TCF4: variants seen among roughly 807,000 people sequenced by gnomAD.
The protein encoded by TCF4 is transcription factor 4.
TCF4 carries 3 observed loss-of-function variants against 82.1 expected under a neutral mutation model. That is an observed-to-expected ratio of 0.04 (90% CI 0.02 to 0.09). The LOEUF is 0.09. TCF4 is among the 10% of genes least tolerant of loss of function. The probability of loss-of-function intolerance (pLI) is 1.00; values close to 1 mark genes in which losing one functional copy is unlikely to be tolerated. For missense variants in TCF4, 518 were observed against 852.7 expected (o/e 0.61, Z 4.89); for synonymous variants, 276 against 309.6 (o/e 0.89, Z 1.14).
At chr18:55,443,148 C>T (rs961267543) in intron 5 of TCF4, among the ~76,000 whole-genome samples, 2 of 152,194 alleles carry the variant, frequency 1.3e-5, no homozygotes, top group South Asian at 4.1e-4. Flanking sequence ...TATGGGGTCC[C>T]ATTGCTTGGT....
intron 8 of TCF4, among the ~76,000 whole-genome samples, chr18:55,341,508 G>C (rs952680046): frequency 6.6e-6 from 1 of 152,158 alleles, no homozygotes; most frequent in Non-Finnish European, 1.5e-5. Flanking sequence ...CTGCTTTGTA[G>C]ACAGAGAAGC....
intron 10 of TCF4, among the ~76,000 whole-genome samples, chr18:55,273,069 C>T (rs1001852262): frequency 1.3e-5 from 2 of 152,068 alleles, no homozygotes; most frequent in Non-Finnish European, 1.5e-5. Context: ...CCATTCCAAA[C>T]TTTAACCGCA....
chr18:55,404,553 A>C (rs2093992038), intron 5 of TCF4: 1 of 152,222 alleles, frequency 6.6e-6, no homozygotes, highest in Non-Finnish European at 1.5e-5. Flanking sequence ...TTTTTCCAAC[A>C]GGAAAACTCT....
intron 3 of TCF4, chr18:55,495,834 A>T (rs1568226015): frequency 6.6e-6 from 1 of 152,220 alleles, no homozygotes. Context: ...CTCTTTAATT[A>T]TGAAAAGGAA....
chr18:55,480,296 A>AAAGAGGGG (rs1568175293), intron 3 of TCF4, among the ~76,000 whole-genome samples: 1 of 63,356 alleles, frequency 1.6e-5, no homozygotes, highest in Non-Finnish European at 3.0e-5. Flanking sequence ...AAAAAAAAAA[A>AAAGAGGGG]GCGGGGGGGC....
chr18:55,223,805 A>G lies in TCF4; in HGVS notation c.*4230T>C. 6.6e-6 allele frequency: 1 copy of G among 152,382 alleles called. No individual in the cohort carries two copies. Among genetic ancestry groups the G allele is most frequent in the East Asian group, 2.0e-4 (1 of 5,068 alleles). 9.4% of individuals were successfully genotyped at this position (152,382 alleles called of 1,614,324 possible). ...CCGCTGCGACCTACAACTAAAAACA[A>G]AAACAAAAACAAAAACAAAACAAAA... On this transcript the variant is annotated 3_prime_UTR_variant, in exon 20 of 20. Transcript: ENST00000354452.
intron 8 of TCF4, among the ~76,000 whole-genome samples, chr18:55,340,266 T>A (rs576212466): frequency 6.6e-6 from 1 of 152,172 alleles, no homozygotes; most frequent in Admixed American, 6.5e-5. Flanking sequence ...TCACAGCCGA[T>A]GTACCAGTTC....
chr18:55,385,921 A>C (rs2092560767), intron 6 of TCF4, among the ~76,000 whole-genome samples: 1 of 152,200 alleles, frequency 6.6e-6, no homozygotes, highest in Non-Finnish European at 1.5e-5. Context: ...CAGAATGTCC[A>C]CACGGCCACT....
chr18:55,559,305 A>T (rs1420296139), intron 3 of TCF4, among the ~76,000 whole-genome samples: 1 of 152,116 alleles, frequency 6.6e-6, no homozygotes, highest in African/African-American at 2.4e-5. Flanking sequence ...AATGGAGCAG[A>T]ACAGAACTGT....
intron 5 of TCF4, chr18:55,404,480 C>G (rs532328278): frequency 2.0e-5 from 3 of 152,180 alleles, no homozygotes; most frequent in Non-Finnish European, 4.4e-5. Flanking sequence ...CTAAAGGATA[C>G]TTCTTTCGTC....
At chr18:55,487,643 T>G (rs1343054164) in intron 3 of TCF4, among the ~76,000 whole-genome samples, 2 of 152,220 alleles carry the variant, frequency 1.3e-5, no homozygotes, top group Non-Finnish European at 2.9e-5. Context: ...AAAGTATTTT[T>G]TCCCAGCAAG....
intron 8 of TCF4, among the ~76,000 whole-genome samples, chr18:55,347,447 G>C (rs541627625): frequency 6.6e-6 from 1 of 152,240 alleles, no homozygotes; most frequent in African/African-American, 2.4e-5. Flanking sequence ...TGGGTCTTCT[G>C]TTATCCCACC....
chr18:55,576,242 T>C (rs1444366457), intron 3 of TCF4, among the ~76,000 whole-genome samples: 1 of 152,146 alleles, frequency 6.6e-6, no homozygotes, highest in Non-Finnish European at 1.5e-5. Context: ...TGAACAATTT[T>C]CTCCAAAGCA....
intron 3 of TCF4, among the ~76,000 whole-genome samples, chr18:55,464,646 T>G (rs2095967020): frequency 2.0e-5 from 3 of 152,146 alleles, no homozygotes; most frequent in Admixed American, 2.0e-4. Flanking sequence ...GTAGTCTATT[T>G]CCACCAGCAC....
At chr18:55,241,897 A>G (rs1033588855) in intron 15 of TCF4, among the ~76,000 whole-genome samples, 1 of 152,228 alleles carries the variant, frequency 6.6e-6, no homozygotes, top group Non-Finnish European at 1.5e-5. Flanking sequence ...ATCCAGTCTA[A>G]GAGGTCCACC....
Position 55,383,320 on chromosome 18 carries a change from G to C in TCF4, c.369+20134C>G, listed in dbSNP as rs370001731. ...GAGAACAATGCAAAGCAAAGAAAGA[G>C]TAAAAGCAATTTATCCAATACCCAC... On this transcript the variant is annotated intron_variant, in intron 6 of 19. Transcript: ENST00000354452. Among the ~76,000 whole-genome samples, 13 of 152,306 alleles carry C rather than the reference G, an allele frequency of 8.5e-5. No individual in the cohort carries two copies. In the East Asian group the frequency reaches 1.3e-3, roughly 16 times the overall value.
At chr18:55,352,269 A>G (rs1603293288) in intron 6 of TCF4, among the ~76,000 whole-genome samples, 1 of 152,292 alleles carries the variant, frequency 6.6e-6, no homozygotes, top group Middle Eastern at 3.4e-3. Flanking sequence ...CATGTCTTCT[A>G]GTGAAAGCAG....
chr18:55,609,232 C>T (rs2097704923), intron 2 of TCF4, among the ~76,000 whole-genome samples: 1 of 152,092 alleles, frequency 6.6e-6, no homozygotes, highest in Non-Finnish European at 1.5e-5. Context: ...GTAAGATGGT[C>T]GGAGAAGGCT....
intron 17 of TCF4, chr18:55,231,190 T>A (rs2047828048): frequency 6.6e-6 from 1 of 152,172 alleles, no homozygotes; most frequent in Non-Finnish European, 1.5e-5. Context: ...AAAAAGCAAA[T>A]GAAAACAGTC....
Sources: allele counts gnomAD v4.1 joint callset (sites outside exome capture counted in the v4.1 genomes callset), GRCh38; gene constraint gnomAD v4.1.1; transcripts MANE v1.5; gene names NCBI Gene and HGNC (gene_info 2026-07-23, HGNC 2026-07-21).